The following TIAM1 variants were observed in gnomAD, a reference collection of about 807,000 sequenced individuals.
TIAM1 encodes rho guanine nucleotide exchange factor TIAM1.
Under a neutral mutation model 163.5 loss-of-function variants are expected in TIAM1, and 65 were observed. That is an observed-to-expected ratio of 0.40 (90% CI 0.33 to 0.49). The LOEUF is 0.49. Ranked by LOEUF, TIAM1 falls within the 20% of genes least tolerant of loss-of-function variation. TIAM1 has a pLI of 0.77. For synonymous variants in TIAM1, 833 were observed against 810.1 expected (o/e 1.03, Z -0.48); for missense variants, 1,789 against 2,044.7 (o/e 0.87, Z 2.41).
intron 11 of TIAM1, 97 bp from the exon 12 acceptor site, chr21:31,203,109 TAG>T (rs1437267622): frequency 2.0e-6 from 2 of 1,013,702 alleles, no homozygotes; most frequent in Non-Finnish European, 3.0e-6. Flanking sequence ...CTATGACCAA[TAG>T]AGTTTGTTGT....
At chr21:31,546,066 TTTA>T (rs1474115987) in intron 1 of TIAM1, among the ~76,000 whole-genome samples, 4 of 118,226 alleles carry the variant, frequency 3.4e-5, no homozygotes, top group African/African-American at 1.2e-4. Context: ...ATTGTTTTAA[TTTA>T]TTTTAAAAAA....
intron 2 of TIAM1, among the ~76,000 whole-genome samples, chr21:31,396,480 C>A (rs368806793): frequency 6.6e-6 from 1 of 152,016 alleles, no homozygotes; most frequent in Non-Finnish European, 1.5e-5. Context: ...TATTCTCCTA[C>A]CTGCCCCACT....
chr21:31,350,894 C>T (rs550297832), intron 2 of TIAM1, among the ~76,000 whole-genome samples: 2 of 152,340 alleles, frequency 1.3e-5, no homozygotes, highest in African/African-American at 4.8e-5. Flanking sequence ...TATAGACCTG[C>T]TTGTAACACA....
chr21:31,294,876 G>A (rs1352102000), intron 2 of TIAM1, among the ~76,000 whole-genome samples: 1 of 152,168 alleles, frequency 6.6e-6, no homozygotes, highest in Non-Finnish European at 1.5e-5. Flanking sequence ...TTGGCACCAG[G>A]GTGGCAGCTC....
chr21:31,121,901 C>G (rs73899650), intron 27 of TIAM1, among the ~76,000 whole-genome samples: 6 of 152,122 alleles, frequency 3.9e-5, no homozygotes, highest in Non-Finnish European at 8.8e-5. Context: ...GCATTAGACA[C>G]GAAAAGGTGA....
intron 2 of TIAM1, among the ~76,000 whole-genome samples, chr21:31,303,325 T>TC (rs2074571889): frequency 1.3e-5 from 2 of 152,132 alleles, no homozygotes; most frequent in Admixed American, 1.3e-4. Context: ...TACAGAGGTT[T>TC]CCCCCACACA....
intron 3 of TIAM1, among the ~76,000 whole-genome samples, chr21:31,269,768 T>C (rs2072974069): frequency 6.6e-6 from 1 of 150,890 alleles, no homozygotes; most frequent in Non-Finnish European, 1.5e-5. Context: ...ACCTCCCAGG[T>C]TCACGCCATT....
At chr21:31,331,928 C>A (rs762474985) in intron 2 of TIAM1, among the ~76,000 whole-genome samples, 8 of 152,160 alleles carry the variant, frequency 5.3e-5, no homozygotes, top group Non-Finnish European at 1.0e-4. Context: ...TTTTTGCTTT[C>A]TTTTAACTAC....
At chr21:31,309,206 C>T (rs1200228396) in intron 2 of TIAM1, among the ~76,000 whole-genome samples, 2 of 152,100 alleles carry the variant, frequency 1.3e-5, no homozygotes, top group African/African-American at 2.4e-5. Flanking sequence ...ACCTGTAATC[C>T]CAGCACTTTG....
At chr21:31,235,122 C>A (rs1406864534) in intron 6 of TIAM1, among the ~76,000 whole-genome samples, 1 of 152,052 alleles carries the variant, frequency 6.6e-6, no homozygotes, top group Non-Finnish European at 1.5e-5. Flanking sequence ...GGAGAGCAGC[C>A]ATATGGGAGC....
At chr21:31,377,370 T>C (rs562643047) in intron 2 of TIAM1, among the ~76,000 whole-genome samples, 2 of 152,198 alleles carry the variant, frequency 1.3e-5, no homozygotes, top group South Asian at 2.1e-4. Flanking sequence ...CAGGGTTTCC[T>C]GTCACCATTT....
intron 22 of TIAM1, among the ~76,000 whole-genome samples, chr21:31,137,637 T>C (rs2082674195): frequency 6.6e-6 from 1 of 151,824 alleles, no homozygotes; most frequent in African/African-American, 2.4e-5. Context: ...ATCTGCACCT[T>C]CTGCCATGTG....
intron 2 of TIAM1, among the ~76,000 whole-genome samples, chr21:31,319,978 T>C (rs1331459925): frequency 6.6e-6 from 1 of 152,146 alleles, no homozygotes. Flanking sequence ...TTTGTTGTTG[T>C]TGCTGAGTTG....
Position 31,266,817 on chromosome 21 carries a change from G to A in TIAM1, c.156C>T (p.Ser52=), listed in dbSNP as rs766970282. 18 of 1,614,182 alleles carry A rather than the reference G, an allele frequency of 1.1e-5. No homozygotes were observed. The highest frequency in any genetic ancestry group is 1.7e-5 in the Admixed American group (1 of 60,032). Residue 52 remains serine, a synonymous_variant, in exon 4 of 28, where the codon TCC becomes TCT. Coordinates refer to ENST00000541036, the MANE Select transcript of TIAM1 (RefSeq NM_001353694.2). ...TGCTGCTGGATCGGGTGCTCACTTC[G>A]GAGTTCCTGTGGATCACCTTCCCCG... ...ASSGKVIHRN[S]EVSTRSSSTP...
chr21:31,391,302 G>C (rs1284965372), intron 2 of TIAM1, among the ~76,000 whole-genome samples: 1 of 152,060 alleles, frequency 6.6e-6, no homozygotes, highest in East Asian at 1.9e-4. Flanking sequence ...TCTGACAATT[G>C]TAACTCTGAA....
chr21:31,146,854 C>T lies in TIAM1; in HGVS notation c.3475+41G>A, dbSNP rs769025707. 5 of 1,543,852 alleles carry T rather than the reference C, an allele frequency of 3.2e-6. No individual in the cohort carries two copies. The South Asian group carries it at 5.6e-5, about 17-fold the overall frequency. ...CAACCACTGTCAGCCACACAACTGA[C>T]AAGCAACACACCCCCACCTCCACAT... On this transcript the variant is annotated intron_variant, in intron 20 of 27. Transcript: ENST00000541036.
intron 16 of TIAM1, among the ~76,000 whole-genome samples, chr21:31,156,285 G>A (rs941707756): frequency 1.3e-5 from 2 of 152,202 alleles, no homozygotes; most frequent in African/African-American, 4.8e-5. Context: ...TTCATTGCTA[G>A]CACTAACCCT....
intron 1 of TIAM1, among the ~76,000 whole-genome samples, chr21:31,488,153 A>G (rs945409185): frequency 3.3e-5 from 5 of 152,242 alleles, no homozygotes; most frequent in Non-Finnish European, 7.3e-5. Context: ...CATGTGAAAG[A>G]GTAGTCGCTG....
chr21:31,185,428 T>A (rs1434599934), intron 14 of TIAM1, among the ~76,000 whole-genome samples: 1 of 101,006 alleles, frequency 9.9e-6, no homozygotes, highest in South Asian at 2.6e-4. Flanking sequence ...TTATGTTATA[T>A]AATTATATAT....
Sources: gnomAD v4.1 joint callset for allele counts (sites outside exome capture counted in the v4.1 genomes callset) on GRCh38, gnomAD v4.1.1 for gene constraint, MANE v1.5 for transcripts, NCBI Gene and HGNC (gene_info 2026-07-23, HGNC 2026-07-21) for gene names.